GPR155: variants seen among roughly 807,000 people sequenced by gnomAD.
The protein encoded by GPR155 is G protein-coupled receptor 155.
A neutral mutation model predicts 93.1 loss-of-function variants in GPR155; 65 were observed. That is an observed-to-expected ratio of 0.70 (90% confidence interval 0.57 to 0.86). The LOEUF (loss-of-function observed/expected upper bound fraction) is 0.86, where lower values mean the gene tolerates loss of function less well. Among genes scored for constraint, GPR155 ranks in the 40% least tolerant of loss-of-function variants. GPR155 has a pLI of 0.00. For missense variants in GPR155, 838 were observed against 1,034.8 expected (o/e 0.81, Z 2.61); for synonymous variants, 319 against 360.1 (o/e 0.89, Z 1.29).
chr2:174,453,734 T>C lies in GPR155; in HGVS notation c.1876+3A>G. The C allele has an allele frequency of 6.5e-7, 1 of 1,534,276 alleles. No individual in the cohort carries two copies. The highest frequency in any genetic ancestry group is 9.0e-7 in the Non-Finnish European group (1 of 1,107,538). On this transcript the variant is annotated splice_donor_region_variant and intron_variant, in intron 11 of 15. Coordinates refer to ENST00000392552, the MANE Select transcript of GPR155 (RefSeq NM_152529.7). ...CCCATCCTCATAGTCCAGAGGCACT[T>C]ACTTTTCTCAAACGAAGGAATCACA...
chr2:174,465,712 T>G (rs1287311186), intron 7 of GPR155, 73 bp downstream of exon 7: 4 of 754,730 alleles, frequency 5.3e-6, no homozygotes, highest in Non-Finnish European at 9.3e-6. Context: ...AATAGATCAC[T>G]AGAAGCTCAG....
At chr2:174,458,834 T>C (rs571449303) in intron 10 of GPR155, among the ~76,000 whole-genome samples, 444 of 152,292 alleles carry the variant, frequency 2.9e-3, no homozygotes, top group Admixed American at 5.0e-3. Context: ...ACACCTGTAA[T>C]CCCAGCACAT....
chr2:174,466,533 G>GT lies in GPR155; in HGVS notation c.1266+10dup. Reference sequence around the variant, plus strand: ...AAAAACATAGTTCTAAATATCAGTAGTTTTACTAACCTGAGCAATGAGTAA... The same window carrying GT: ...AAAAACATAGTTCTAAATATCAGTAGTTTTTACTAACCTGAGCAATGAGTAA... On this transcript the variant is annotated intron_variant, in intron 6 of 15. Transcript: ENST00000392552. 1 of 1,366,922 alleles carries GT rather than the reference G, an allele frequency of 7.3e-7. No individual in the cohort carries two copies. Among genetic ancestry groups the GT allele is most frequent in the African/African-American group, 1.4e-5 (1 of 69,300 alleles). The allele number at this position is 1,366,922 out of a possible 1,614,324, so 84.7% of individuals were successfully genotyped here. A position where few individuals can be genotyped will look rare whatever the true frequency, so the allele number is the denominator to read the frequency against.
At chr2:174,448,002 T>G (rs903646447) in intron 11 of GPR155, among the ~76,000 whole-genome samples, 2 of 152,060 alleles carry the variant, frequency 1.3e-5, no homozygotes, top group African/African-American at 4.8e-5. Context: ...TCTTAACCTC[T>G]CATTAAAGAG....
In GPR155 at chr2:174,433,952, A is replaced by G. The variant is rs1269282892; in HGVS notation, c.*2164T>C. 1 of 151,852 alleles carries G rather than the reference A, an allele frequency of 6.6e-6. No homozygotes were observed. The highest frequency in any genetic ancestry group is 1.5e-5 in the Non-Finnish European group (1 of 67,974). 9.4% of individuals were successfully genotyped at this position (151,852 alleles called of 1,614,324 possible). Reference sequence around the variant, plus strand: ...TTAAAAAGACTAAATTCTAAATGTAATCTTTAGAATTTTTTTTTTTTTTTC... The same window carrying G: ...TTAAAAAGACTAAATTCTAAATGTAGTCTTTAGAATTTTTTTTTTTTTTTC... On this transcript the variant is annotated 3_prime_UTR_variant, in exon 16 of 16. Coordinates refer to ENST00000392552, the MANE Select transcript of GPR155 (RefSeq NM_152529.7).
rs1338845375 is a variant in GPR155, at chr2:174,436,185, G to A, written c.2544C>T (p.Asn848=). ...PEQSPPAINA[N]TLQQERYKEI... ...CTTTATATCTTTCCTGTTGGAGAGTGTTTGCATTAATAGCAGGAGGACTCT... is the reference window on the plus strand; with the variant it reads ...CTTTATATCTTTCCTGTTGGAGAGTATTTGCATTAATAGCAGGAGGACTCT... The change falls in exon 16 of 16, where the codon AAC becomes AAT. Residue 848 remains asparagine (N), a synonymous_variant. Transcript: ENST00000392552. The A allele has an allele frequency of 1.2e-6, 2 of 1,613,892 alleles. No homozygotes were observed. Among genetic ancestry groups the A allele is most frequent in the Admixed American group, 3.3e-5 (2 of 60,014 alleles).
chr2:174,477,063 A>T (rs193258570), intron 2 of GPR155, among the ~76,000 whole-genome samples: 203 of 152,352 alleles, frequency 1.3e-3, no homozygotes, highest in African/African-American at 4.2e-3. Flanking sequence ...GAACATCAAA[A>T]GTTTCAGATG....
chr2:174,474,856 T>C (rs1265920861), intron 2 of GPR155, among the ~76,000 whole-genome samples: 1 of 152,160 alleles, frequency 6.6e-6, no homozygotes, highest in Non-Finnish European at 1.5e-5. Context: ...AACTGGTCTC[T>C]AGCACATTTT....
chr2:174,440,281 A>G (rs6744576), intron 14 of GPR155, among the ~76,000 whole-genome samples: 3 of 152,080 alleles, frequency 2.0e-5, no homozygotes, highest in Admixed American at 1.3e-4. Flanking sequence ...GGAAGACTTA[A>G]TCATTTTATA....
At chr2:174,483,836 C>T (rs1688398324) in intron 1 of GPR155, among the ~76,000 whole-genome samples, 1 of 152,088 alleles carries the variant, frequency 6.6e-6, no homozygotes, top group African/African-American at 2.4e-5. Flanking sequence ...CTGCCCGCCT[C>T]GGCCTCCCAA....
At chr2:174,462,030 G>T (rs1687711919) in intron 7 of GPR155, among the ~76,000 whole-genome samples, 1 of 151,998 alleles carries the variant, frequency 6.6e-6, no homozygotes, top group Non-Finnish European at 1.5e-5. Context: ...TGACCTCCAG[G>T]GTTCAAGTGA....
chr2:174,443,593 G>A (rs2105672196), intron 13 of GPR155, among the ~76,000 whole-genome samples: 1 of 152,282 alleles, frequency 6.6e-6, no homozygotes, highest in South Asian at 2.1e-4. Context: ...GCTGGGCATG[G>A]TAGCAGGTGC....
Position 174,435,916 on chromosome 2 carries a change from T to A in GPR155, c.*200A>T, listed in dbSNP as rs1465079450. The A allele has an allele frequency of 1.8e-6, 1 of 543,848 alleles. No individual in the cohort carries two copies. Among genetic ancestry groups the A allele is most frequent in the Non-Finnish European group, 3.3e-6 (1 of 306,468 alleles). 33.7% of individuals were successfully genotyped at this position (543,848 alleles called of 1,614,324 possible). On this transcript the variant is annotated 3_prime_UTR_variant, in exon 16 of 16. Coordinates refer to ENST00000392552, the MANE Select transcript of GPR155 (RefSeq NM_152529.7). ...AATTTGGTTTTCTCTTTTTCCTAAG[T>A]CAGCTTCCTATGTGTTTTACATACA... is the stretch of plus-strand genomic sequence containing the variant.
intron 12 of GPR155, 90 bp from the exon 13 acceptor site, chr2:174,445,266 A>G: frequency 1.5e-6 from 1 of 666,876 alleles, no homozygotes; most frequent in Non-Finnish European, 2.7e-6. Context: ...TTACCTACTT[A>G]ATAATTACAG....
At chr2:174,455,207 A>G (rs1553516865) in intron 10 of GPR155, among the ~76,000 whole-genome samples, 56,002 of 151,870 alleles carry the variant, frequency 0.37, 10,702 homozygotes, top group Non-Finnish European at 0.44. Context: ...AACAACAACA[A>G]CAACAACAAA....
At chr2:174,456,717 C>T (rs1329398164) in intron 10 of GPR155, among the ~76,000 whole-genome samples, 1 of 151,988 alleles carries the variant, frequency 6.6e-6, no homozygotes, top group African/African-American at 2.4e-5. Flanking sequence ...CTTAATCCAT[C>T]AATAAGGAAA....
Position 174,439,985 on chromosome 2 carries a change from G to A in GPR155, c.2225C>T (p.Pro742Leu). Reference sequence around the variant, plus strand: ...GGTCATTTTTATTTCCTCTGAAACAGGAGAATCCCTGTTTTCTGCTGTGTC... The same window carrying A: ...GGTCATTTTTATTTCCTCTGAAACAAGAGAATCCCTGTTTTCTGCTGTGTC... Reference protein sequence around the residue: ...NKDTAENRDSPVSEEIKMTCQ... With the variant: ...NKDTAENRDSLVSEEIKMTCQ... Residue 742 changes from proline (P) to leucine (L), a missense_variant, in exon 15 of 16, where the codon CCT becomes CTT. By Grantham distance (98) the Pro-to-Leu change is moderately conservative. Coordinates refer to ENST00000392552, the MANE Select transcript of GPR155 (RefSeq NM_152529.7). 6.2e-7 allele frequency: 1 copy of A among 1,611,304 alleles called. No homozygotes were observed. Among genetic ancestry groups the A allele is most frequent in the East Asian group, 2.2e-5 (1 of 44,818 alleles).
Position 174,465,849 on chromosome 2 carries a change from A to G in GPR155, c.1320T>C (p.Phe440=), listed in dbSNP as rs1409468218. The G allele has an allele frequency of 6.2e-7, 1 of 1,608,730 alleles. No individual in the cohort carries two copies. The highest frequency in any genetic ancestry group is 2.2e-5 in the East Asian group (1 of 44,878). The change falls in exon 7 of 16, where the codon TTT becomes TTC. Residue 440 remains phenylalanine, a synonymous_variant. Transcript: ENST00000392552. ...GAACAAACACCAAAATTTGTCCAAC[A>G]AAATTTTTTTCTTTAACAAAATTCC... ...MIWNFVKEKN[F]VGQILVFVLL...
intron 1 of GPR155, among the ~76,000 whole-genome samples, chr2:174,485,093 T>TA (rs1006436067): frequency 6.6e-6 from 1 of 152,026 alleles, no homozygotes; most frequent in Non-Finnish European, 1.5e-5. Context: ...ATCCACCAAC[T>TA]AAAAAAAGAG....
Sources: gnomAD v4.1 joint callset for allele counts (sites outside exome capture counted in the v4.1 genomes callset) on GRCh38, gnomAD v4.1.1 for gene constraint, MANE v1.5 for transcripts, NCBI Gene and HGNC (gene_info 2026-07-23, HGNC 2026-07-21) for gene names.